Variants in STRC observed in about 807,000 individuals in gnomAD.
The protein encoded by STRC is stereocilin.
STRC carries 43 observed loss-of-function variants against 103.5 expected under a neutral mutation model. The ratio of observed to expected loss-of-function variants is 0.42; its 90% CI spans 0.33 to 0.54. The LOEUF (loss-of-function observed/expected upper bound fraction) is 0.54. Among genes scored for constraint, STRC ranks in the 20% least tolerant of loss-of-function variants. The pLI is 0.14. For synonymous variants in STRC, 186 were observed against 442.3 expected (o/e 0.42, Z 7.27); for missense variants, 499 against 1,088.5 (o/e 0.46, Z 7.62).
Position 43,618,668 on chromosome 15 carries a change from ACAGCAGCAGCAGCAGCAGCAG to A in STRC, c.34_54del (p.Leu12_Leu18del). The A allele has an allele frequency of 5.8e-5, 2 of 34,238 alleles. No homozygotes were observed. The highest frequency in any genetic ancestry group is 1.0e-4 in the Non-Finnish European group (2 of 19,646). 2.1% of individuals were successfully genotyped at this position (34,238 alleles called of 1,614,324 possible). ...TCACTGTTCTTCTTACCTGCAAAGGACAGCAGCAGCAGCAGCAGCAGCAGCAGCAGCAGGGGCCAGAGGCTG... is the reference window on the plus strand; with the variant it reads ...TCACTGTTCTTCTTACCTGCAAAGGACAGCAGCAGCAGGGGCCAGAGGCTG... On this transcript the variant is annotated inframe_deletion, in exon 1 of 29. Coordinates refer to ENST00000450892, the MANE Select transcript of STRC (RefSeq NM_153700.2).
At position 43,605,341 on chromosome 15, in the gene STRC, G is replaced by A; in HGVS notation, c.3853C>T (p.Gln1285Ter). 1 of 1,592,682 alleles carries A rather than the reference G, an allele frequency of 6.3e-7. No homozygotes were observed. Among genetic ancestry groups the A allele is most frequent in the Non-Finnish European group, 8.6e-7 (1 of 1,168,060 alleles). The change falls in exon 19 of 29, where the codon CAA becomes TAA. Residue 1285 changes from glutamine (Q) to a stop codon, truncating the protein, a stop_gained. Transcript: ENST00000450892. LOFTEE classifies it high-confidence loss of function. Reference protein sequence around the residue: ...ESIMLVVELVQRAPEQLLALT... With the variant: ...ESIMLVVELV ...GCCAGCAGCTGCTCTGGAGCTCTTT[G>A]CACCAGCTCCACCACCAACATAATG... is the stretch of plus-strand genomic sequence containing the variant.
Position 43,604,723 on chromosome 15 carries a change from G to C in STRC, c.4054C>G (p.Leu1352Val). ...LQILLSHLSQ[L>V]QGFCLGETFA... ...GTCTCTCCTAGGCAGAAGCCTTGCA[G>C]CTGACTGAGATGGGACAGCAGGATC... Residue 1352 changes from leucine (L) to valine (V), a missense_variant, in exon 20 of 29, where the codon CTG becomes GTG. Coordinates refer to ENST00000450892, the MANE Select transcript of STRC (RefSeq NM_153700.2). 2 of 1,613,680 alleles carry C rather than the reference G, an allele frequency of 1.2e-6. No homozygotes were observed. Among genetic ancestry groups the C allele is most frequent in the Middle Eastern group, 3.3e-4 (2 of 6,052 alleles).
intron 23 of STRC, among the ~76,000 whole-genome samples, chr15:43,602,867 G>C (rs1178977814): frequency 1.3e-5 from 2 of 151,430 alleles, no homozygotes; most frequent in African/African-American, 4.9e-5. Context: ...GGATGGTCTT[G>C]ATCTCCTGAC....
chr15:43,603,845 T>C, intron 22 of STRC, 151 bp downstream of exon 22: 1 of 1,448,266 alleles, frequency 6.9e-7, no homozygotes, highest in Non-Finnish European at 9.2e-7. Flanking sequence ...TACAGAATTC[T>C]AGAACTACAA....
chr15:43,605,611 T>TAAAAAAAAAAA (rs59946403), intron 18 of STRC, among the ~76,000 whole-genome samples: 1 of 128,188 alleles, frequency 7.8e-6, no homozygotes, highest in African/African-American at 3.0e-5. Context: ...CTAGTCTTCC[T>TAAAAAAAAAAA]AAAAAAAAAA....
At chr15:43,601,771 C>A in intron 23 of STRC, 1 of 554,414 alleles carries the variant, frequency 1.8e-6, no homozygotes, top group Admixed American at 3.0e-5. Context: ...CAAACTAACT[C>A]TAGTCCATGA....
chr15:43,603,464 G>A (rs1446197419), intron 22 of STRC, 53 bp from the exon 23 acceptor site: 1 of 1,574,234 alleles, frequency 6.4e-7, no homozygotes, highest in Non-Finnish European at 8.7e-7. Flanking sequence ...AATATGCCCA[G>A]AGAGATATCT....
chr15:43,603,216 A>G (rs1484917589), intron 23 of STRC, 26 bp downstream of exon 23: 2 of 1,611,562 alleles, frequency 1.2e-6, no homozygotes, highest in Non-Finnish European at 1.7e-6. Flanking sequence ...CTCATGGCCA[A>G]CCCCAGTTGG....
chr15:43,611,069 GC>G lies in STRC; in HGVS notation c.3306+78del, dbSNP rs1430393226. 3 of 1,582,768 alleles carry G rather than the reference GC, an allele frequency of 1.9e-6. No homozygotes were observed. In the South Asian group the frequency reaches 3.3e-5, roughly 18 times the overall value. ...GGGGAGGTATGAAAGGCCTTCCCTG[GC>G]CTCAGGGAAGATGCCTTCCTCCCAA... On this transcript the variant is annotated intron_variant, in intron 13 of 28. Coordinates refer to ENST00000450892, the MANE Select transcript of STRC (RefSeq NM_153700.2).
rs2085699260 is a variant in STRC at position 43,604,695 on chromosome 15, A to C, written c.4082T>G (p.Phe1361Cys). ...TAGCAGCCATCCCAGCTCTGTGGCA[A>C]ATGTCTCTCCTAGGCAGAAGCCTTG... Reference protein sequence around the residue: ...QLQGFCLGETFATELGWLLLQ... With the variant: ...QLQGFCLGETCATELGWLLLQ... Residue 1361 changes from phenylalanine (F) to cysteine (C), a missense_variant, in exon 20 of 29, where the codon TTT becomes TGT. Phe to Cys is a radical substitution (Grantham distance 205). Transcript: ENST00000450892. 1 of 1,613,478 alleles carries C rather than the reference A, an allele frequency of 6.2e-7. No homozygotes were observed. Among genetic ancestry groups the C allele is most frequent in the Non-Finnish European group, 8.5e-7 (1 of 1,179,682 alleles).
In STRC at chr15:43,604,566, T is replaced by G. The variant is rs565165728; in HGVS notation, c.4127+84A>C. On this transcript the variant is annotated intron_variant, in intron 20 of 28. Transcript: ENST00000450892. ...ACAGGGCTCCAGGGGACCTTAAGAATATGGAACAGGCTGCCACTGATGATG... is the reference window on the plus strand; with the variant it reads ...ACAGGGCTCCAGGGGACCTTAAGAAGATGGAACAGGCTGCCACTGATGATG... 4.9e-4 allele frequency: 795 copies of G among 1,612,254 alleles called. 11 individuals carry two copies. In the African/African-American group the frequency reaches 5.4e-3, roughly 11 times the overall value.
At position 43,603,428 on chromosome 15, in the gene STRC, G is replaced by C. The variant is rs368650627; in HGVS notation, c.4376-17C>G. The C allele has an allele frequency of 1.2e-6, 2 of 1,611,528 alleles. No homozygotes were observed. The highest frequency in any genetic ancestry group is 2.7e-5 in the African/African-American group (2 of 74,840). The stretch of plus-strand genomic sequence containing the variant: ...GCACAGGTTCTGAAGGGGGAAGGCA[G>C]GGCCAGGAGGTCAGCGCAGTAATAA... On this transcript the variant is annotated splice_polypyrimidine_tract_variant and intron_variant, in intron 22 of 28. Transcript: ENST00000450892.
At chr15:43,608,316 T>C in intron 16 of STRC, 113 bp from the exon 17 acceptor site, 1 of 765,672 alleles carries the variant, frequency 1.3e-6, no homozygotes, top group East Asian at 2.9e-5. Context: ...TAATTTATGG[T>C]TTGAGAAATG....
rs1257955640 is a variant in STRC at position 43,604,148 on chromosome 15, G to A, written c.4223C>T (p.Ala1408Val). ...TEAISLIPRE[A>V]LGPETLERLL... Reference sequence around the variant, plus strand: ...CCGCTCCAGGGTCTCTGGACCCAAGGCCTCCTGCATGAGAAGGTAGAAGGA... The same window carrying A: ...CCGCTCCAGGGTCTCTGGACCCAAGACCTCCTGCATGAGAAGGTAGAAGGA... The change falls in exon 22 of 29, where the codon GCC becomes GTC. Residue 1408 changes from alanine to valine, a missense_variant. Ala to Val is a moderately conservative substitution (Grantham distance 64). Transcript: ENST00000450892. The A allele has an allele frequency of 3.1e-6, 5 of 1,609,172 alleles. No homozygotes were observed. The African/African-American group carries it at 6.7e-5, about 21-fold the overall frequency.
chr15:43,604,071 T>G lies in STRC; in HGVS notation c.4300A>C (p.Arg1434=). The G allele has an allele frequency of 6.2e-7, 1 of 1,613,356 alleles. No homozygotes were observed. The highest frequency in any genetic ancestry group is 8.5e-7 in the Non-Finnish European group (1 of 1,179,688). Residue 1434 remains arginine (R), a synonymous_variant, in exon 22 of 29, where the codon AGG becomes CGG. Coordinates refer to ENST00000450892, the MANE Select transcript of STRC (RefSeq NM_153700.2). The part of the protein sequence containing the change: ...WEQSRVGQLC[R]EPQLAAKKAA... Reference sequence around the variant, plus strand: ...TTCTTGGCAGCAAGCTGTGGCTCCCTACACAGCTGTCCAACTCTGCTCTGC... The same window carrying G: ...TTCTTGGCAGCAAGCTGTGGCTCCCGACACAGCTGTCCAACTCTGCTCTGC...
chr15:43,603,108 T>G, intron 23 of STRC, 134 bp downstream of exon 23: 1 of 957,048 alleles, frequency 1.0e-6, no homozygotes, highest in Non-Finnish European at 1.6e-6. Context: ...ACCTCCTACT[T>G]GTGACCCAAA....
Position 43,603,180 on chromosome 15 carries a change from G to A in STRC, c.4545+62C>T, listed in dbSNP as rs878965360. ...TCATCCAACTCTCCATTCTCTTTGT[G>A]TCCTACATCACACCCAAATAGCTTC... On this transcript the variant is annotated intron_variant, in intron 23 of 28. Transcript: ENST00000450892. The A allele has an allele frequency of 1.1e-5, 17 of 1,561,456 alleles. No individual in the cohort carries two copies. The South Asian group carries it at 1.3e-4, about 12-fold the overall frequency.
rs761784951 is a variant in STRC at position 43,604,411 on chromosome 15, C to T, written c.4168G>A (p.Gly1390Arg). ...GTAGACAGAGTGAATACTAGGCGTCCAGCTTGCTCTACTTCATCCTGGCTC... is the reference window on the plus strand; with the variant it reads ...GTAGACAGAGTGAATACTAGGCGTCTAGCTTGCTCTACTTCATCCTGGCTC... Reference protein sequence around the residue: ...LWSQDEVEQAGRLVFTLSTEA... With the variant: ...LWSQDEVEQARRLVFTLSTEA... The change falls in exon 21 of 29, where the codon GGA becomes AGA. Residue 1390 changes from glycine (G) to arginine (R), a missense_variant. Physicochemically the swap from Gly to Arg is moderately radical, Grantham distance 125. Coordinates refer to ENST00000450892, the MANE Select transcript of STRC (RefSeq NM_153700.2). The T allele has an allele frequency of 5.0e-6, 8 of 1,587,362 alleles. No homozygotes were observed. Among genetic ancestry groups the T allele is most frequent in the Non-Finnish European group, 6.9e-6 (8 of 1,163,696 alleles).
At position 43,617,836 on chromosome 15, in the gene STRC, CTGCACCTGCACCAGAG is replaced by C; in HGVS notation, c.569_584del (p.Ala190GlyfsTer35). ...TGGCATTGGTGGGGTCCACACTGGGCTGCACCTGCACCAGAGCTTGCCAGCGTGTGCCCTCTAACAA... is the reference window on the plus strand; with the variant it reads ...TGGCATTGGTGGGGTCCACACTGGGCCTTGCCAGCGTGTGCCCTCTAACAA... On this transcript the variant is annotated frameshift_variant, in exon 2 of 29. Transcript: ENST00000450892. LOFTEE classifies it high-confidence loss of function. 14 of 1,607,798 alleles carry C rather than the reference CTGCACCTGCACCAGAG, an allele frequency of 8.7e-6. No homozygotes were observed. The highest frequency in any genetic ancestry group is 1.7e-4 in the Middle Eastern group (1 of 5,996).
Sources: gnomAD v4.1 joint callset for allele counts (sites outside exome capture counted in the v4.1 genomes callset) on GRCh38, gnomAD v4.1.1 for gene constraint, MANE v1.5 for transcripts, NCBI Gene and HGNC (gene_info 2026-07-23, HGNC 2026-07-21) for gene names.